The following EGFLAM variants were observed in gnomAD, a reference collection of about 807,000 sequenced individuals.
EGFLAM encodes pikachurin.
In EGFLAM, 79 loss-of-function variants were observed where a neutral mutation model predicts 113.1. The ratio of observed to expected loss-of-function variants is 0.70; its 90% CI spans 0.58 to 0.84. The LOEUF is 0.84. Among genes scored for constraint, EGFLAM ranks in the 40% least tolerant of loss-of-function variants. The probability of loss-of-function intolerance (pLI) is 0.00; values close to 1 mark genes in which losing one functional copy is unlikely to be tolerated. For synonymous variants in EGFLAM, 504 were observed against 487.6 expected (o/e 1.03, Z -0.44); for missense variants, 1,265 against 1,291.6 (o/e 0.98, Z 0.32).
intron 15 of EGFLAM, among the ~76,000 whole-genome samples, 199 bp from the exon 16 acceptor site, chr5:38,434,938 G>A (rs754679835): frequency 2.6e-5 from 4 of 152,146 alleles, no homozygotes; most frequent in South Asian, 4.1e-4. Flanking sequence ...ACTTTAAGAC[G>A]TTCACCAACA....
chr5:38,451,350 T>C lies in EGFLAM; in HGVS notation c.2579T>C (p.Phe860Ser). The C allele has an allele frequency of 6.2e-7, 1 of 1,614,194 alleles. No homozygotes were observed. The highest frequency in any genetic ancestry group is 8.5e-7 in the Non-Finnish European group (1 of 1,180,026). Reference sequence around the variant, plus strand: ...TCAAGATCAAATGTGTTCATGAGGTTTAAAACAACTGCCAAGGATGGCCTT... The same window carrying C: ...TCAAGATCAAATGTGTTCATGAGGTCTAAAACAACTGCCAAGGATGGCCTT... Reference protein sequence around the residue: ...SGSRSNVFMRFKTTAKDGLLL... With the variant: ...SGSRSNVFMRSKTTAKDGLLL... The change falls in exon 19 of 22, where the codon TTT becomes TCT. Residue 860 changes from phenylalanine to serine, a missense_variant. Physicochemically the swap from Phe to Ser is radical, Grantham distance 155. Transcript: ENST00000322350.
At chr5:38,339,734 G>A (rs1010485401) in intron 3 of EGFLAM, among the ~76,000 whole-genome samples, 1 of 152,200 alleles carries the variant, frequency 6.6e-6, no homozygotes, top group African/African-American at 2.4e-5. Flanking sequence ...ACTCAGAGCT[G>A]ACTGACCTCT....
At position 38,463,466 on chromosome 5, in the gene EGFLAM, G is replaced by A. The variant is rs185615086; in HGVS notation, c.2876-366G>A. On this transcript the variant is annotated intron_variant, in intron 21 of 21. Transcript: ENST00000322350. ...ATTCGACATCAGTGCATTTGTTTTG[G>A]TTTAAGATGACATCACTTCTAACTA... 2.6e-5 allele frequency among the ~76,000 whole-genome samples: 4 copies of A among 152,242 alleles called. No homozygotes were observed. In the East Asian group the frequency reaches 7.7e-4, roughly 29 times the overall value.
chr5:38,266,472 G>T (rs936715255), intron 1 of EGFLAM, among the ~76,000 whole-genome samples: 1 of 152,132 alleles, frequency 6.6e-6, no homozygotes, highest in South Asian at 2.1e-4. Context: ...TTAAGAAATT[G>T]GGATTGTTTA....
chr5:38,268,000 CT>C (rs1480627377), intron 1 of EGFLAM, among the ~76,000 whole-genome samples: 2 of 152,190 alleles, frequency 1.3e-5, no homozygotes, highest in Non-Finnish European at 2.9e-5. Context: ...AATCAAGCTA[CT>C]TTCGAGTGGC....
At position 38,381,298 on chromosome 5, in the gene EGFLAM, G is replaced by A. The variant is rs116617122; in HGVS notation, c.712+10836G>A. On this transcript the variant is annotated intron_variant, in intron 6 of 21. Transcript: ENST00000322350. The stretch of plus-strand genomic sequence containing the variant: ...TCTTGAATCGTTTCAGTTCTTTGAT[G>A]GGAGTAGGGCCACAGTTGTTGTTCA... 8.5e-3 allele frequency among the ~76,000 whole-genome samples: 1,299 copies of A among 152,236 alleles called. 14 individuals are homozygous for A. Among genetic ancestry groups the A allele is most frequent in the African/African-American group, 0.029 (1,206 of 41,552 alleles).
At chr5:38,268,465 G>A (rs1421232251) in intron 1 of EGFLAM, among the ~76,000 whole-genome samples, 2 of 152,094 alleles carry the variant, frequency 1.3e-5, no homozygotes, top group Admixed American at 1.3e-4. Flanking sequence ...CCAACTATAC[G>A]GTTTCTGGGA....
At chr5:38,320,374 A>T (rs1738708429) in intron 1 of EGFLAM, among the ~76,000 whole-genome samples, 1 of 152,200 alleles carries the variant, frequency 6.6e-6, no homozygotes, top group Non-Finnish European at 1.5e-5. Context: ...CAAGTCTTTC[A>T]GGTGATTCTG....
At chr5:38,361,328 TC>T (rs1310478896) in intron 5 of EGFLAM, among the ~76,000 whole-genome samples, 1 of 152,170 alleles carries the variant, frequency 6.6e-6, no homozygotes, top group Non-Finnish European at 1.5e-5. Context: ...TAGCTATACC[TC>T]CAACATTTAC....
chr5:38,462,219 C>T (rs192492796), intron 20 of EGFLAM, among the ~76,000 whole-genome samples: 1 of 152,084 alleles, frequency 6.6e-6, no homozygotes, highest in Non-Finnish European at 1.5e-5. Flanking sequence ...GTCTTCCCAT[C>T]GAATGATCTT....
chr5:38,319,712 C>A (rs1738691675), intron 1 of EGFLAM, among the ~76,000 whole-genome samples: 1 of 152,150 alleles, frequency 6.6e-6, no homozygotes, highest in Admixed American at 6.5e-5. Context: ...TGTTTGTTAG[C>A]CATCAAGGCT....
At chr5:38,442,455 A>T (rs959875811) in intron 17 of EGFLAM, among the ~76,000 whole-genome samples, 2 of 149,312 alleles carry the variant, frequency 1.3e-5, no homozygotes, top group Non-Finnish European at 3.0e-5. Flanking sequence ...TATGTTTAAT[A>T]TATTAAAAAT....
In EGFLAM at chr5:38,464,424, G is replaced by A. The variant is rs1384099478; in HGVS notation, c.*438G>A. 1 of 170,490 alleles carries A rather than the reference G, an allele frequency of 5.9e-6. No individual in the cohort carries two copies. Among genetic ancestry groups the A allele is most frequent in the Non-Finnish European group, 1.3e-5 (1 of 79,366 alleles). The allele number at this position is 170,490 out of a possible 1,614,324, so 10.6% of individuals were successfully genotyped here. On this transcript the variant is annotated 3_prime_UTR_variant, in exon 22 of 22. Transcript: ENST00000322350. The stretch of plus-strand genomic sequence containing the variant: ...CTCTTCCTGACAGCAGAATGACTGT[G>A]TGACCTTGAACTTCACATTTCCCAC...
At chr5:38,411,800 T>C (rs1014456126) in intron 10 of EGFLAM, among the ~76,000 whole-genome samples, 2 of 151,984 alleles carry the variant, frequency 1.3e-5, no homozygotes, top group South Asian at 2.1e-4. Context: ...ATTTAAACTT[T>C]TATTTTTTTA....
At chr5:38,418,002 T>TG in intron 11 of EGFLAM, 64 bp from the exon 12 acceptor site, 1 of 1,485,198 alleles carries the variant, frequency 6.7e-7, no homozygotes, top group Non-Finnish European at 9.1e-7. Context: ...CATAAAAATC[T>TG]GGTGTGTTTT....
chr5:38,315,609 A>C (rs958159615), intron 1 of EGFLAM, among the ~76,000 whole-genome samples: 1 of 152,180 alleles, frequency 6.6e-6, no homozygotes, highest in African/African-American at 2.4e-5. Context: ...CTCCCCAACA[A>C]GAGAGAGCAC....
Position 38,452,580 on chromosome 5 carries a change from A to G in EGFLAM, c.2687+1122A>G, listed in dbSNP as rs562471386. ...AAGCATAGAAGTGAGTACTCAGCCT[A>G]AGACTCAGCAGCTCAGGGAGGTCTA... On this transcript the variant is annotated intron_variant, in intron 19 of 21. Transcript: ENST00000322350. Among the ~76,000 whole-genome samples, 5 of 152,300 alleles carry G rather than the reference A, an allele frequency of 3.3e-5. No homozygotes were observed. The South Asian group carries it at 1.0e-3, about 32-fold the overall frequency.
At chr5:38,293,035 T>G (rs1425363837) in intron 1 of EGFLAM, among the ~76,000 whole-genome samples, 1 of 152,242 alleles carries the variant, frequency 6.6e-6, no homozygotes, top group African/African-American at 2.4e-5. Context: ...ATTTCTGCCA[T>G]TGAGACTCTG....
At chr5:38,309,209 A>G (rs957201693) in intron 1 of EGFLAM, among the ~76,000 whole-genome samples, 2 of 152,242 alleles carry the variant, frequency 1.3e-5, no homozygotes, top group African/African-American at 4.8e-5. Context: ...CTACATAATA[A>G]TGTGCTACTG....
Sources: allele counts gnomAD v4.1 joint callset (sites outside exome capture counted in the v4.1 genomes callset), GRCh38; gene constraint gnomAD v4.1.1; transcripts MANE v1.5; gene names NCBI Gene and HGNC (gene_info 2026-07-23, HGNC 2026-07-21).